Variants in ANK3 observed in about 807,000 individuals in gnomAD.
ANK3 encodes ankyrin-3.
Under a neutral mutation model 370.9 loss-of-function variants are expected in ANK3, and 57 were observed. That is an observed-to-expected ratio of 0.15 (90% CI 0.12 to 0.19). ANK3 has a LOEUF of 0.19. ANK3 is among the 10% of genes least tolerant of loss of function. The pLI, the probability that ANK3 is intolerant of heterozygous loss-of-function variation, is 1.00. For synonymous variants in ANK3, 1,929 were observed against 1,946.3 expected (o/e 0.99, Z 0.23); for missense variants, 4,439 against 5,302.1 (o/e 0.84, Z 5.06).
intron 27 of ANK3, among the ~76,000 whole-genome samples, chr10:60,107,668 TC>T (rs1216023793): frequency 6.6e-6 from 1 of 152,216 alleles, no homozygotes; most frequent in Non-Finnish European, 1.5e-5. Flanking sequence ...CTTTTCAAAA[TC>T]AGTTTACTTA....
At chr10:60,379,488 T>C (rs922725919) in intron 1 of ANK3, among the ~76,000 whole-genome samples, 1 of 151,738 alleles carries the variant, frequency 6.6e-6, no homozygotes, top group Non-Finnish European at 1.5e-5. Context: ...AACAGATGAA[T>C]GGATAAAGAA....
rs2083745279 is a variant in ANK3, at chr10:60,076,128, C to A, written c.4753G>T (p.Val1585Leu). 6.2e-7 allele frequency: 1 copy of A among 1,614,040 alleles called. No individual in the cohort carries two copies. Among genetic ancestry groups the A allele is most frequent in the African/African-American group, 1.3e-5 (1 of 74,920 alleles). Reference sequence around the variant, plus strand: ...TGGATATTGTATGGAGATTGTGACACCACAGTTTTTATCGGCGAAGACATT... The same window carrying A: ...TGGATATTGTATGGAGATTGTGACAACACAGTTTTTATCGGCGAAGACATT... The part of the protein sequence containing the change: ...RTMSSPIKTV[V>L]SQSPYNIQVS... Residue 1585 changes from valine (V) to leucine (L), a missense_variant, in exon 37 of 44, where the codon GTG (valine) becomes TTG (leucine). By Grantham distance (32) the Val-to-Leu change is conservative (BLOSUM62 1). Transcript: ENST00000280772.
chr10:60,159,656 C>A (rs1479498390), intron 23 of ANK3, among the ~76,000 whole-genome samples: 3 of 152,012 alleles, frequency 2.0e-5, no homozygotes, highest in African/African-American at 7.3e-5. Flanking sequence ...GGATAGACCA[C>A]ATGTTAGACT....
chr10:60,603,694 G>A (rs2078094529), intron 2 of ANK3, among the ~76,000 whole-genome samples: 1 of 152,080 alleles, frequency 6.6e-6, no homozygotes, highest in African/African-American at 2.4e-5. Context: ...AGTGGCTATG[G>A]AATTACAAGC....
Position 60,186,719 on chromosome 10 carries a change from T to C in ANK3, c.2081A>G (p.Asn694Ser). 1 of 1,613,944 alleles carries C rather than the reference T, an allele frequency of 6.2e-7. No individual in the cohort carries two copies. The highest frequency in any genetic ancestry group is 8.5e-7 in the Non-Finnish European group (1 of 1,179,872). The change falls in exon 17 of 44, where the codon AAT (asparagine) becomes AGT (serine). Residue 694 changes from asparagine to serine, a missense_variant. Asn to Ser is a conservative substitution (Grantham distance 46, BLOSUM62 1). Around this residue, in one of 13 missense-constraint regions of ANK3, gnomAD observed 192 missense variants for 192.1 expected, o/e 1.00. Transcript: ENST00000280772. ...GTCAAGAAAGAAGTGGGTTACCTTA[T>C]TGCTCAGGTTCACATTCGCATTTCT... is the stretch of plus-strand genomic sequence containing the variant. ...LGRNANVNLS[N>S]KSGLTPLHLA...
intron 7 of ANK3, among the ~76,000 whole-genome samples, chr10:60,253,245 G>A (rs1409118053): frequency 6.6e-6 from 1 of 152,168 alleles, no homozygotes; most frequent in African/African-American, 2.4e-5. Context: ...GTTGGCTGAT[G>A]TCTCTCTCAT....
chr10:60,696,456 G>C (rs1156611789), intron 1 of ANK3, among the ~76,000 whole-genome samples: 8 of 151,180 alleles, frequency 5.3e-5, no homozygotes, highest in Non-Finnish European at 7.4e-5. Context: ...CCAAAAAAGA[G>C]AATTTTAGAC....
At chr10:60,469,058 A>C in intron 2 of ANK3, among the ~76,000 whole-genome samples, 2 of 22,626 alleles carry the variant, frequency 8.8e-5, no homozygotes, top group Non-Finnish European at 1.6e-4. Flanking sequence ...TATATATACC[A>C]CTTTTAGTAT....
intron 5 of ANK3, among the ~76,000 whole-genome samples, 181 bp from the exon 6 acceptor site, chr10:60,264,201 A>T (rs1357035378): frequency 6.6e-6 from 1 of 152,236 alleles, no homozygotes; most frequent in African/African-American, 2.4e-5. Context: ...TTATCTATAC[A>T]AAGTAAAAAA....
At chr10:60,408,681 A>C (rs1372393748) in intron 2 of ANK3, among the ~76,000 whole-genome samples, 1 of 152,174 alleles carries the variant, frequency 6.6e-6, no homozygotes, top group African/African-American at 2.4e-5. Flanking sequence ...CATAAAAGAA[A>C]GTATCAATCT....
At chr10:60,415,200 C>T (rs1166883068) in intron 2 of ANK3, among the ~76,000 whole-genome samples, 1 of 152,126 alleles carries the variant, frequency 6.6e-6, no homozygotes, top group Non-Finnish European at 1.5e-5. Context: ...TAGAAAGAGA[C>T]AGTCTGGCCT....
intron 2 of ANK3, among the ~76,000 whole-genome samples, chr10:60,579,546 A>G (rs1448891278): frequency 2.0e-5 from 3 of 152,052 alleles, no homozygotes; most frequent in Non-Finnish European, 4.4e-5. Flanking sequence ...CATGATCAAA[A>G]ATGATACTGA....
intron 2 of ANK3, among the ~76,000 whole-genome samples, chr10:60,472,027 A>G (rs2065231966): frequency 6.6e-6 from 1 of 152,160 alleles, no homozygotes; most frequent in African/African-American, 2.4e-5. Flanking sequence ...GGGGAAATTT[A>G]ATAGAAAAAG....
intron 1 of ANK3, among the ~76,000 whole-genome samples, chr10:60,680,371 T>G (rs1269518342): frequency 1.3e-5 from 2 of 152,252 alleles, no homozygotes; most frequent in East Asian, 1.9e-4. Context: ...GCCCAGTGGC[T>G]CTGAGTTACA....
At chr10:60,227,901 T>C (rs2132513633) in intron 8 of ANK3, among the ~76,000 whole-genome samples, 1 of 152,290 alleles carries the variant, frequency 6.6e-6, no homozygotes, top group South Asian at 2.1e-4. Flanking sequence ...CTTTTGACTG[T>C]CGGTCATATT....
intron 7 of ANK3, among the ~76,000 whole-genome samples, chr10:60,246,037 C>G (rs923238590): frequency 6.6e-6 from 1 of 152,040 alleles, no homozygotes; most frequent in East Asian, 1.9e-4. Flanking sequence ...AGATGGATTA[C>G]TTGAGGCCAG....
chr10:60,294,900 C>T (rs977116507), intron 1 of ANK3, among the ~76,000 whole-genome samples: 1 of 151,850 alleles, frequency 6.6e-6, no homozygotes, highest in African/African-American at 2.4e-5. Flanking sequence ...TCTAGAAGTG[C>T]GAAGGAAACA....
chr10:60,184,021 C>A (rs896976259), intron 17 of ANK3, among the ~76,000 whole-genome samples: 1 of 152,032 alleles, frequency 6.6e-6, no homozygotes, highest in Non-Finnish European at 1.5e-5. Flanking sequence ...TGAATCAAAT[C>A]GAACACTAGC....
At chr10:60,257,470 T>C (rs369686936) in intron 7 of ANK3, among the ~76,000 whole-genome samples, 1 of 152,192 alleles carries the variant, frequency 6.6e-6, no homozygotes. Context: ...GAATTGAGCC[T>C]TTTGAAGTAT....
Sources: allele counts gnomAD v4.1 joint callset (sites outside exome capture counted in the v4.1 genomes callset), GRCh38; gene constraint gnomAD v4.1.1; regional missense constraint gnomAD v4.1.1; transcripts MANE v1.5; gene names NCBI Gene and HGNC (gene_info 2026-07-23, HGNC 2026-07-21).